The following SNAPC2 variants were observed in gnomAD, a reference collection of about 807,000 sequenced individuals.
The protein encoded by SNAPC2 is snRNA-activating protein complex subunit 2.
In SNAPC2, 27 loss-of-function variants were observed where a neutral mutation model predicts 22.9. The ratio of observed to expected loss-of-function variants is 1.18; its 90% CI spans 0.87 to 1.63. The LOEUF (loss-of-function observed/expected upper bound fraction) is 1.63, where lower values mean the gene tolerates loss of function less well. Among genes scored for constraint, SNAPC2 ranks in the 40% most tolerant of loss-of-function variants. SNAPC2 has a pLI of 0.00. For missense variants in SNAPC2, 570 were observed against 449.1 expected, an observed-to-expected ratio of 1.27 and a Z score of -2.43; for synonymous variants, 272 against 201.0, an observed-to-expected ratio of 1.35 and a Z score of -2.99.
intron 1 of SNAPC2, 39 bp downstream of exon 1, chr19:7,920,588 CGGGGCTGGGGT>C (rs2145160801): frequency 5.5e-6 from 1 of 182,244 alleles, no homozygotes; most frequent in Non-Finnish European, 8.3e-6. Flanking sequence ...AGGCTGGAGG[CGGGGCTGGGGT>C]GGGGCGGAGA....
Position 7,922,319 on chromosome 19 carries a change from T to C in SNAPC2, c.657T>C (p.Ser219=), listed in dbSNP as rs1349089582. 2 of 1,613,548 alleles carry C rather than the reference T, an allele frequency of 1.2e-6. No homozygotes were observed. Among genetic ancestry groups the C allele is most frequent in the African/African-American group, 2.7e-5 (2 of 74,874 alleles). Residue 219 remains serine, a synonymous_variant, in exon 4 of 5, where the codon AGT becomes AGC. Coordinates refer to ENST00000221573, the MANE Select transcript of SNAPC2 (RefSeq NM_003083.4). ...IYKYLSSVSR[S]GRSPELSAAE... ...AGTACTTGTCCTCTGTCTCCCGAAG[T>C]GGCCGCAGCCCCGAGCTCTCAGCAG...
Position 7,923,053 on chromosome 19 carries a change from G to C in SNAPC2, c.*289G>C, listed in dbSNP as rs1353476683. 5.1e-6 allele frequency: 2 copies of C among 392,732 alleles called. No homozygotes were observed. Among genetic ancestry groups the C allele is most frequent in the Non-Finnish European group, 9.1e-6 (2 of 219,032 alleles). 24.3% of individuals were successfully genotyped at this position (392,732 alleles called of 1,614,324 possible). A position where few individuals can be genotyped will look rare whatever the true frequency, so the allele number is the denominator to read the frequency against. ...CAGTCCCCAAGCCCCACTGTGCCTT[G>C]TTGTCTGCTGGGGGGCCATAGCTGG... On this transcript the variant is annotated 3_prime_UTR_variant, in exon 5 of 5. Transcript: ENST00000221573.
chr19:7,922,835 C>T lies in SNAPC2; in HGVS notation c.*71C>T. 2 of 1,269,372 alleles carry T rather than the reference C, an allele frequency of 1.6e-6. No individual in the cohort carries two copies. The highest frequency in any genetic ancestry group is 2.9e-5 in the South Asian group (2 of 69,042). The allele number at this position is 1,269,372 out of a possible 1,614,324, so 78.6% of individuals were successfully genotyped here. ...CTCGGTTCTGCTCGGCTGGCCCTGG[C>T]TCTTTCTGAGGATCCCGTCATGGGG... is the stretch of plus-strand genomic sequence containing the variant. On this transcript the variant is annotated 3_prime_UTR_variant, in exon 5 of 5. Transcript: ENST00000221573.
At position 7,922,682 on chromosome 19, in the gene SNAPC2, G is replaced by C. The variant is rs760476938; in HGVS notation, c.923G>C (p.Trp308Ser). Reference sequence around the variant, plus strand: ...GAGCACAGCGAACTGAAATCGCCTTGGCAAGCAGCTGGGATCTGTCCCCTG... The same window carrying C: ...GAGCACAGCGAACTGAAATCGCCTTCGCAAGCAGCTGGGATCTGTCCCCTG... ...KAEHSELKSP[W>S]QAAGICPLNP... Residue 308 changes from tryptophan to serine, a missense_variant, in exon 5 of 5, where the codon TGG (tryptophan) becomes TCG (serine). By Grantham distance (177) the Trp-to-Ser change is radical. Transcript: ENST00000221573. The C allele has an allele frequency of 7.1e-5, 114 of 1,613,202 alleles. No individual in the cohort carries two copies. The highest frequency in any genetic ancestry group is 3.6e-4 in the East Asian group (16 of 44,850).
At position 7,922,559 on chromosome 19, in the gene SNAPC2, A is replaced by G; in HGVS notation, c.800A>G (p.Gln267Arg). ...TETYLRLTAPQPIPAGGSLGP... is the reference protein window; with the variant it reads ...TETYLRLTAPRPIPAGGSLGP... ...ACGTACCTACGCCTGACAGCCCCCC[A>G]GCCCATTCCCGCTGGAGGGAGCCTG... Residue 267 changes from glutamine to arginine, a missense_variant, in exon 5 of 5, where the codon CAG becomes CGG. Transcript: ENST00000221573. 3.1e-6 allele frequency: 5 copies of G among 1,613,312 alleles called. No homozygotes were observed. Among genetic ancestry groups the G allele is most frequent in the Non-Finnish European group, 3.4e-6 (4 of 1,179,718 alleles).
rs1164737703 is a variant in SNAPC2, at chr19:7,921,481, T to G, written c.242T>G (p.Val81Gly). Reference sequence around the variant, plus strand: ...GTAGCCCGGGAGGCCATTCAGAAAGTGCATCCGGGTGGCCTTCAGGGACCA... The same window carrying G: ...GTAGCCCGGGAGGCCATTCAGAAAGGGCATCCGGGTGGCCTTCAGGGACCA... ...GRVAREAIQK[V>G]HPGGLQGPRR... Residue 81 changes from valine to glycine, a missense_variant, in exon 2 of 5, where the codon GTG (valine) becomes GGG (glycine). Physicochemically the swap from Val to Gly is moderately radical, Grantham distance 109 (BLOSUM62 -3). Coordinates refer to ENST00000221573, the MANE Select transcript of SNAPC2 (RefSeq NM_003083.4). 4.3e-6 allele frequency: 7 copies of G among 1,613,844 alleles called. No individual in the cohort carries two copies. Among genetic ancestry groups the G allele is most frequent in the South Asian group, 1.1e-5 (1 of 91,084 alleles).
At chr19:7,921,011 T>C in intron 1 of SNAPC2, 1 of 1,124,694 alleles carries the variant, frequency 8.9e-7, no homozygotes. Context: ...AGCCTCGGGG[T>C]AATGCGTGGG....
chr19:7,922,720 G>A lies in SNAPC2; in HGVS notation c.961G>A (p.Val321Met). The A allele has an allele frequency of 6.2e-7, 1 of 1,606,350 alleles. No homozygotes were observed. ...GATCTGTCCCCTGAACCCGTTCCTG[G>A]TGCCCCTGGAGCTTCTGGGTCGGGC... ...AGICPLNPFL[V>M]PLELLGRAAT... Residue 321 changes from valine to methionine, a missense_variant, in exon 5 of 5, where the codon GTG becomes ATG. Coordinates refer to ENST00000221573, the MANE Select transcript of SNAPC2 (RefSeq NM_003083.4).
rs7250749 is a variant in SNAPC2 at position 7,921,800 on chromosome 19, G to A, written c.372+27G>A. 0.2 allele frequency: 319,964 copies of A among 1,605,442 alleles called. 34,087 individuals carry two copies. The highest frequency in any genetic ancestry group is 0.38 in the Admixed American group (22,394 of 59,022). Reference sequence around the variant, plus strand: ...TACCGCCATTCCCCCAGGCAGGTCAGGGTGTCCCAGAGGACAGGGTCACAT... The same window carrying A: ...TACCGCCATTCCCCCAGGCAGGTCAAGGTGTCCCAGAGGACAGGGTCACAT... On this transcript the variant is annotated intron_variant, in intron 3 of 4. Transcript: ENST00000221573.
chr19:7,922,794 G>GC lies in SNAPC2; in HGVS notation c.*36dup, dbSNP rs750597386. The GC allele has an allele frequency of 1.5e-5, 23 of 1,497,362 alleles. No homozygotes were observed. Among genetic ancestry groups the GC allele is most frequent in the Admixed American group, 8.5e-5 (4 of 47,240 alleles). 92.8% of individuals were successfully genotyped at this position (1,497,362 alleles called of 1,614,324 possible). ...CATGGCGGGCAGGAGGCCACACCAG[G>GC]CCCCCCGCCCTGCCCCTCGGTTCTG... On this transcript the variant is annotated 3_prime_UTR_variant, in exon 5 of 5. Coordinates refer to ENST00000221573, the MANE Select transcript of SNAPC2 (RefSeq NM_003083.4).
chr19:7,921,464 G>T lies in SNAPC2; in HGVS notation c.225G>T (p.Arg75=). ...AGCAGCTCAAGGGCCGCGTAGCCCG[G>T]GAGGCCATTCAGAAAGTGCATCCGG... ...FLQQLKGRVA[R]EAIQKVHPGG... The change falls in exon 2 of 5, where the codon CGG becomes CGT. Residue 75 remains arginine, a synonymous_variant. Transcript: ENST00000221573. 1 of 1,613,938 alleles carries T rather than the reference G, an allele frequency of 6.2e-7. No individual in the cohort carries two copies. The highest frequency in any genetic ancestry group is 1.1e-5 in the South Asian group (1 of 91,078).
Position 7,923,232 on chromosome 19 carries a change from T to C in SNAPC2, c.*468T>C, listed in dbSNP as rs7788. On this transcript the variant is annotated 3_prime_UTR_variant, in exon 5 of 5. Coordinates refer to ENST00000221573, the MANE Select transcript of SNAPC2 (RefSeq NM_003083.4). ...TATTCTGTGACCATGAATAAAGTTATCATTCTCTTTCTCTTTCACCTGTGA... is the reference window on the plus strand; with the variant it reads ...TATTCTGTGACCATGAATAAAGTTACCATTCTCTTTCTCTTTCACCTGTGA... The C allele has an allele frequency of 0.29, 45,201 of 156,510 alleles. 6,927 individuals are homozygous for C. The highest frequency in any genetic ancestry group is 0.52 in the East Asian group (2,720 of 5,270). 9.7% of individuals were successfully genotyped at this position (156,510 alleles called of 1,614,324 possible).
In SNAPC2 at chr19:7,922,907, G is replaced by A; in HGVS notation, c.*143G>A. 6 of 665,868 alleles carry A rather than the reference G, an allele frequency of 9.0e-6. No homozygotes were observed. The highest frequency in any genetic ancestry group is 1.5e-5 in the Non-Finnish European group (6 of 404,264). The allele number at this position is 665,868 out of a possible 1,614,324, so 41.2% of individuals were successfully genotyped here. A position where few individuals can be genotyped will look rare whatever the true frequency, so the allele number is the denominator to read the frequency against. ...CAGCTGTGGGGCGGGCCTCTAAGATGCCCCATACTTTGGGGGTCTCAGAAA... is the reference window on the plus strand; with the variant it reads ...CAGCTGTGGGGCGGGCCTCTAAGATACCCCATACTTTGGGGGTCTCAGAAA... On this transcript the variant is annotated 3_prime_UTR_variant, in exon 5 of 5. Transcript: ENST00000221573.
rs764114888 is a variant in SNAPC2, at chr19:7,922,252, C to T, written c.590C>T (p.Ser197Phe). The T allele has an allele frequency of 4.1e-5, 66 of 1,613,938 alleles. No individual in the cohort carries two copies. In the East Asian group the frequency reaches 1.2e-3, roughly 30 times the overall value. ...EKPSESSAGP[S>F]TEEDFAVDFE... ...CCTTCTGAGTCGTCGGCTGGTCCCT[C>T]CACTGAAGAAGACTTTGCTGTGGAC... The change falls in exon 4 of 5, where the codon TCC becomes TTC. Residue 197 changes from serine (S) to phenylalanine (F), a missense_variant. By Grantham distance (155) the Ser-to-Phe change is radical (BLOSUM62 -2). Transcript: ENST00000221573.
At chr19:7,920,669 C>A in intron 1 of SNAPC2, 120 bp downstream of exon 1, 2 of 232,326 alleles carry the variant, frequency 8.6e-6, no homozygotes, top group Non-Finnish European at 1.2e-5. Context: ...CGAGCGGGGG[C>A]GTGGCGTGGG....
At position 7,922,243 on chromosome 19, in the gene SNAPC2, C is replaced by T. The variant is rs770772794; in HGVS notation, c.581C>T (p.Ala194Val). 8.1e-6 allele frequency: 13 copies of T among 1,613,964 alleles called. No homozygotes were observed. Among genetic ancestry groups the T allele is most frequent in the Non-Finnish European group, 1.1e-5 (13 of 1,180,026 alleles). ...PAPEKPSESS[A>V]GPSTEEDFAV... ...CCTGAGAAACCTTCTGAGTCGTCGG[C>T]TGGTCCCTCCACTGAAGAAGACTTT... The change falls in exon 4 of 5, where the codon GCT becomes GTT. Residue 194 changes from alanine (A) to valine (V), a missense_variant. Coordinates refer to ENST00000221573, the MANE Select transcript of SNAPC2 (RefSeq NM_003083.4).
Position 7,922,856 on chromosome 19 carries a change from T to C in SNAPC2, c.*92T>C, listed in dbSNP as rs867933757. The C allele has an allele frequency of 9.0e-6, 9 of 1,004,918 alleles. No individual in the cohort carries two copies. In the East Asian group the frequency reaches 2.2e-4, roughly 24 times the overall value. 62.3% of individuals were successfully genotyped at this position (1,004,918 alleles called of 1,614,324 possible). A position where few individuals can be genotyped will look rare whatever the true frequency, so the allele number is the denominator to read the frequency against. Reference sequence around the variant, plus strand: ...CTGGCTCTTTCTGAGGATCCCGTCATGGGGGAAGGTCCTTGAGATGATGCT... The same window carrying C: ...CTGGCTCTTTCTGAGGATCCCGTCACGGGGGAAGGTCCTTGAGATGATGCT... On this transcript the variant is annotated 3_prime_UTR_variant, in exon 5 of 5. Transcript: ENST00000221573.
At position 7,920,418 on chromosome 19, in the gene SNAPC2, G is replaced by A; in HGVS notation, c.52G>A (p.Val18Met). 4 of 1,581,338 alleles carry A rather than the reference G, an allele frequency of 2.5e-6. No individual in the cohort carries two copies. The highest frequency in any genetic ancestry group is 1.1e-5 in the South Asian group (1 of 89,152). ...RAAPARYLGEVTGPATWSARE... is the reference protein window; with the variant it reads ...RAAPARYLGEMTGPATWSARE... ...GGCCCCGGCGCGCTATCTGGGCGAG[G>A]TGACCGGTCCCGCGACCTGGAGCGC... is the stretch of plus-strand genomic sequence containing the variant. The change falls in exon 1 of 5, where the codon GTG becomes ATG. Residue 18 changes from valine (V) to methionine (M), a missense_variant. Coordinates refer to ENST00000221573, the MANE Select transcript of SNAPC2 (RefSeq NM_003083.4).
In SNAPC2 at chr19:7,922,147, ACCCCG is replaced by A. The variant is rs1983599698; in HGVS notation, c.490_494del (p.Ala164Ter). Reference sequence around the variant, plus strand: ...CTGAGCGCCCCTGGAGGACAGGAAGACCCCGCCCCTGAAATACCTAGCTCTGCCCC... The same window carrying A: ...CTGAGCGCCCCTGGAGGACAGGAAGACCCCTGAAATACCTAGCTCTGCCCC... On this transcript the variant is annotated frameshift_variant, in exon 4 of 5. Transcript: ENST00000221573. LOFTEE classifies it high-confidence loss of function. The A allele has an allele frequency of 6.2e-7, 1 of 1,613,518 alleles. No individual in the cohort carries two copies. Among genetic ancestry groups the A allele is most frequent in the Non-Finnish European group, 8.5e-7 (1 of 1,179,932 alleles).
Sources: allele counts gnomAD v4.1 joint callset, GRCh38; gene constraint gnomAD v4.1.1; transcripts MANE v1.5; gene names NCBI Gene and HGNC (gene_info 2026-07-23, HGNC 2026-07-21).